Variants in EFCAB8 observed in about 807,000 individuals in gnomAD.
The protein encoded by EFCAB8 is EF-hand calcium binding domain 8, also known as EF-hand calcium-binding domain-containing protein 8.
EFCAB8 carries 100 observed loss-of-function variants against 116.3 expected under a neutral mutation model. That is an observed-to-expected ratio of 0.86 (90% confidence interval 0.73 to 1.02). The LOEUF is 1.02. Ranked by LOEUF, EFCAB8 falls within the 50% of genes least tolerant of loss-of-function variation. The probability of loss-of-function intolerance (pLI) is 0.00; values close to 1 mark genes in which losing one functional copy is unlikely to be tolerated. For missense variants in EFCAB8, 1,320 were observed against 1,416.9 expected (o/e 0.93, Z 1.10); for synonymous variants, 558 against 567.9 (o/e 0.98, Z 0.25).
intron 5 of EFCAB8, among the ~76,000 whole-genome samples, chr20:32,880,054 G>A (rs963066464): frequency 6.6e-6 from 1 of 152,106 alleles, no homozygotes; most frequent in Admixed American, 6.6e-5. Context: ...CTGCTGCCTG[G>A]GGCAGGTGGC....
At chr20:32,921,703 T>C (rs2146262809) in intron 20 of EFCAB8, among the ~76,000 whole-genome samples, 1 of 151,706 alleles carries the variant, frequency 6.6e-6, no homozygotes, top group East Asian at 1.9e-4. Flanking sequence ...CCTTGTACTT[T>C]TTTTTTTTTG....
At chr20:32,904,665 A>G (rs1299172893) in intron 11 of EFCAB8, among the ~76,000 whole-genome samples, 1 of 128,722 alleles carries the variant, frequency 7.8e-6, no homozygotes, top group Non-Finnish European at 1.6e-5. Flanking sequence ...TTTCTCTGTC[A>G]CCCAGGCTGG....
intron 22 of EFCAB8, among the ~76,000 whole-genome samples, chr20:32,934,090 T>A (rs1375444937): frequency 6.6e-6 from 1 of 151,330 alleles, no homozygotes; most frequent in Non-Finnish European, 1.5e-5. Flanking sequence ...GGAATCCTCC[T>A]GCCTTGACCT....
At chr20:32,927,460 T>C (rs2146269535) in intron 20 of EFCAB8, among the ~76,000 whole-genome samples, 1 of 152,278 alleles carries the variant, frequency 6.6e-6, no homozygotes, top group East Asian at 1.9e-4. Flanking sequence ...TTCTTCTGCC[T>C]CAGCCTCCCG....
At chr20:32,934,377 A>G (rs1044699911) in intron 22 of EFCAB8, among the ~76,000 whole-genome samples, 4 of 152,088 alleles carry the variant, frequency 2.6e-5, no homozygotes, top group African/African-American at 7.2e-5. Flanking sequence ...GGTTGATTCT[A>G]TATCTTGGCT....
chr20:32,939,125 C>CTCTTTCTTTCTTTCTTTCTTTCTTTCTT (rs56136077), intron 22 of EFCAB8, among the ~76,000 whole-genome samples: 3 of 56,556 alleles, frequency 5.3e-5, no homozygotes, highest in South Asian at 6.5e-4. Flanking sequence ...CTCTTTCTTT[C>CTCTTTCTTTCTTTCTTTCTTTCTTTCTT]TCTTTCTTTC....
At chr20:32,923,635 C>G (rs2146264934) in intron 20 of EFCAB8, among the ~76,000 whole-genome samples, 1 of 152,252 alleles carries the variant, frequency 6.6e-6, no homozygotes, top group East Asian at 1.9e-4. Context: ...TGTGCATATA[C>G]AAGTACATAC....
At chr20:32,920,249 G>A in intron 20 of EFCAB8, 34 bp downstream of exon 20, 1 of 1,549,664 alleles carries the variant, frequency 6.5e-7, no homozygotes, top group South Asian at 1.2e-5. Context: ...AGGGATATGA[G>A]CTGGGGAGTG....
chr20:32,904,646 T>TA (rs1316696375), intron 11 of EFCAB8, among the ~76,000 whole-genome samples: 1 of 119,436 alleles, frequency 8.4e-6, no homozygotes, highest in Non-Finnish European at 1.7e-5. Flanking sequence ...GGGGTGGGGG[T>TA]ACTGAGTCTT....
chr20:32,904,989 G>C (rs1191190912), intron 11 of EFCAB8, among the ~76,000 whole-genome samples: 1 of 152,158 alleles, frequency 6.6e-6, no homozygotes, highest in Non-Finnish European at 1.5e-5. Flanking sequence ...TGGATGAGAG[G>C]CATGGGCATA....
In EFCAB8 at chr20:32,920,157, C is replaced by T. The variant is rs1259550629; in HGVS notation, c.2354C>T (p.Thr785Met). ...SKQSIYKEDETRKGEWQKNML... is the reference protein window; with the variant it reads ...SKQSIYKEDEMRKGEWQKNML... ...CAGTCCATTTACAAAGAGGATGAAA[C>T]GAGAAAAGGAGAATGGCAGAAGAAT... is the stretch of plus-strand genomic sequence containing the variant. The change falls in exon 20 of 27, where the codon ACG becomes ATG. Residue 785 changes from threonine to methionine, a missense_variant. By Grantham distance (81) the Thr-to-Met change is moderately conservative. Transcript: ENST00000400522. 8 of 1,551,510 alleles carry T rather than the reference C, an allele frequency of 5.2e-6. No homozygotes were observed. Among genetic ancestry groups the T allele is most frequent in the East Asian group, 2.4e-5 (1 of 40,934 alleles).
Position 32,863,827 on chromosome 20 carries a change from T to A in EFCAB8, c.35T>A (p.Leu12His), listed in dbSNP as rs1287143890. ...SSEDLAEIPQ[L>H]QKLSIPHGFQ... is the part of the protein sequence containing the mutation. ...GAAGACTTAGCAGAGATCCCTCAAC[T>A]CCAAAAGGTAAGAAAGACAATTATC... The change falls in exon 2 of 27, where the codon CTC (leucine) becomes CAC (histidine). Residue 12 changes from leucine to histidine, a missense_variant. Transcript: ENST00000400522. 1 of 1,551,152 alleles carries A rather than the reference T, an allele frequency of 6.4e-7. No homozygotes were observed.
chr20:32,878,311 C>T (rs1054199479), intron 4 of EFCAB8, among the ~76,000 whole-genome samples: 3 of 151,472 alleles, frequency 2.0e-5, no homozygotes, highest in African/African-American at 7.3e-5. Flanking sequence ...TGGTTATAAT[C>T]CCAGCACTTT....
intron 1 of EFCAB8, among the ~76,000 whole-genome samples, chr20:32,860,932 G>C (rs1984082175): frequency 6.6e-6 from 1 of 151,974 alleles, no homozygotes; most frequent in Non-Finnish European, 1.5e-5. Flanking sequence ...TACAGATGGG[G>C]TTTCACCATG....
intron 9 of EFCAB8, 137 bp downstream of exon 9, chr20:32,893,435 A>G: frequency 1.5e-6 from 2 of 1,300,206 alleles, no homozygotes; most frequent in South Asian, 1.5e-5. Context: ...TTCCAAGCGC[A>G]GGGTGCATGC....
At chr20:32,956,558 A>G (rs970167412) in intron 23 of EFCAB8, among the ~76,000 whole-genome samples, 2 of 152,184 alleles carry the variant, frequency 1.3e-5, no homozygotes, top group South Asian at 2.1e-4. Context: ...TTTACTGGGT[A>G]TAGAATTCTC....
chr20:32,887,458 C>A (rs558199443), intron 6 of EFCAB8, among the ~76,000 whole-genome samples: 5 of 152,220 alleles, frequency 3.3e-5, no homozygotes, highest in Admixed American at 3.3e-4. Flanking sequence ...CCCCTGTAAT[C>A]CCAGCTACTT....
intron 22 of EFCAB8, among the ~76,000 whole-genome samples, chr20:32,943,015 C>T (rs887650406): frequency 6.6e-5 from 10 of 152,108 alleles, no homozygotes; most frequent in African/African-American, 1.2e-4. Flanking sequence ...TGAATATGGT[C>T]GAATAAGTCC....
chr20:32,960,897 A>G (rs1360625730), intron 26 of EFCAB8, among the ~76,000 whole-genome samples: 1 of 152,198 alleles, frequency 6.6e-6, no homozygotes, highest in Non-Finnish European at 1.5e-5. Flanking sequence ...GCCAGCTCAC[A>G]GAGTTGCCAC....
Sources: gnomAD v4.1 joint callset for allele counts (sites outside exome capture counted in the v4.1 genomes callset) on GRCh38, gnomAD v4.1.1 for gene constraint, MANE v1.5 for transcripts, NCBI Gene and HGNC (gene_info 2026-07-23, HGNC 2026-07-21) for gene names.